The following RGS7 variants were observed in gnomAD, a reference collection of about 807,000 sequenced individuals.
RGS7 encodes regulator of G protein signaling 7.
In RGS7, 27 loss-of-function variants were observed where a neutral mutation model predicts 81.1. The observed-to-expected ratio is 0.33, with a 90% confidence interval of 0.25 to 0.46. The LOEUF is 0.46. Ranked by LOEUF, RGS7 falls within the 20% of genes least tolerant of loss-of-function variation. RGS7 has a pLI of 1.00. For synonymous variants in RGS7, 208 were observed against 207.7 expected (o/e 1.00, Z -0.01); for missense variants, 396 against 607.4 (o/e 0.65, Z 3.66).
chr1:241,076,843 G>A (rs965936627), intron 3 of RGS7, among the ~76,000 whole-genome samples: 1 of 152,128 alleles, frequency 6.6e-6, no homozygotes, highest in Admixed American at 6.5e-5. Flanking sequence ...AAACTCCAAC[G>A]CCTCAAAAGA....
intron 2 of RGS7, among the ~76,000 whole-genome samples, chr1:241,229,151 A>G (rs1327344557): frequency 6.6e-6 from 1 of 152,100 alleles, no homozygotes; most frequent in Non-Finnish European, 1.5e-5. Context: ...CTTTAAAAAG[A>G]TTTCAGATAT....
rs1026016317 is a variant in RGS7, at chr1:241,355,824, G to C, written c.-48C>G. 2.0e-6 allele frequency: 3 copies of C among 1,512,684 alleles called. No homozygotes were observed. In the African/African-American group the frequency reaches 4.1e-5, roughly 21 times the overall value. 93.7% of individuals were successfully genotyped at this position (1,512,684 alleles called of 1,614,324 possible). A position where few individuals can be genotyped will look rare whatever the true frequency, so the allele number is the denominator to read the frequency against. The stretch of plus-strand genomic sequence containing the variant: ...CTCAAGATACAAGAATTATCAGTGT[G>C]CCCTGCAAAGGGTCAGAGAGACTTC... On this transcript the variant is annotated splice_region_variant and 5_prime_UTR_variant, in exon 2 of 19. Coordinates refer to ENST00000440928, the MANE Select transcript of RGS7 (RefSeq NM_001364886.1).
At chr1:240,862,204 G>C (rs116840233) in intron 9 of RGS7, among the ~76,000 whole-genome samples, 1 of 151,950 alleles carries the variant, frequency 6.6e-6, no homozygotes, top group East Asian at 1.9e-4. Context: ...TTATTTTATA[G>C]AGATATTAAG....
chr1:240,779,432 G>C (rs1014472787), intron 18 of RGS7, among the ~76,000 whole-genome samples: 1 of 152,160 alleles, frequency 6.6e-6, no homozygotes, highest in African/African-American at 2.4e-5. Flanking sequence ...TGGGATAAGA[G>C]GCATGAACCA....
intron 2 of RGS7, among the ~76,000 whole-genome samples, chr1:241,294,842 A>G (rs2079302871): frequency 6.6e-6 from 1 of 151,678 alleles, no homozygotes; most frequent in South Asian, 2.1e-4. Context: ...TATACCATAA[A>G]GTCCAGGTGT....
chr1:241,016,542 A>G (rs2059244280), intron 3 of RGS7, among the ~76,000 whole-genome samples: 1 of 148,492 alleles, frequency 6.7e-6, no homozygotes. Flanking sequence ...ACAAAAATCA[A>G]CAACAACAAA....
chr1:241,311,319 A>C (rs1264153387), intron 2 of RGS7, among the ~76,000 whole-genome samples: 1 of 152,368 alleles, frequency 6.6e-6, no homozygotes, highest in East Asian at 1.9e-4. Context: ...TCTGTGCCAC[A>C]TAAAAAACAA....
At chr1:241,033,640 T>C (rs1383035880) in intron 3 of RGS7, among the ~76,000 whole-genome samples, 1 of 152,148 alleles carries the variant, frequency 6.6e-6, no homozygotes, top group Non-Finnish European at 1.5e-5. Context: ...TCATTTAATA[T>C]GTTATGGTGA....
intron 2 of RGS7, among the ~76,000 whole-genome samples, chr1:241,270,885 A>T (rs2148342572): frequency 6.7e-6 from 1 of 149,118 alleles, no homozygotes; most frequent in Non-Finnish European, 1.5e-5. Context: ...CAGCCTCCCC[A>T]GTAGCTGGGG....
chr1:240,851,213 A>C lies in RGS7; in HGVS notation c.609+17374T>G, dbSNP rs557868156. 7.2e-5 allele frequency among the ~76,000 whole-genome samples: 11 copies of C among 152,324 alleles called. No homozygotes were observed. In the South Asian group the frequency reaches 2.3e-3, roughly 32 times the overall value. On this transcript the variant is annotated intron_variant, in intron 9 of 18. Coordinates refer to ENST00000440928, the MANE Select transcript of RGS7 (RefSeq NM_001364886.1). ...TCAGGTAATGATGCTGGTGATTGTA[A>C]GTTGAGGCTAATGTTCATTGATCAT...
intron 2 of RGS7, among the ~76,000 whole-genome samples, chr1:241,328,363 T>C (rs1313718402): frequency 6.6e-6 from 1 of 152,218 alleles, no homozygotes; most frequent in African/African-American, 2.4e-5. Context: ...TGTGATGCTG[T>C]GGACTTTTGA....
chr1:241,167,521 C>CT lies in RGS7; in HGVS notation c.79-68760dup, dbSNP rs146257362. On this transcript the variant is annotated intron_variant, in intron 2 of 18. Transcript: ENST00000440928. ...GACAGCTGTACTCTTTGGTCCTCCT[C>CT]TTTTTTTTTTTTTCTTGAGACGAGT... is the stretch of plus-strand genomic sequence containing the variant. Among the ~76,000 whole-genome samples the CT allele has an allele frequency of 3.2e-3, 468 of 144,980 alleles. 1 individual carries two copies. The highest frequency in any genetic ancestry group is 5.4e-3 in the East Asian group (27 of 5,004).
chr1:241,175,287 A>G (rs1477234084), intron 2 of RGS7, among the ~76,000 whole-genome samples: 2 of 152,212 alleles, frequency 1.3e-5, no homozygotes, highest in African/African-American at 4.8e-5. Context: ...AACATTCTCT[A>G]GCATTTTTAT....
intron 18 of RGS7, among the ~76,000 whole-genome samples, chr1:240,782,838 C>T (rs756724339): frequency 1.3e-5 from 2 of 152,074 alleles, no homozygotes; most frequent in Admixed American, 6.6e-5. Flanking sequence ...TAATTCTATG[C>T]GAATAATACT....
chr1:240,852,257 G>A (rs189408444), intron 9 of RGS7, among the ~76,000 whole-genome samples: 23 of 152,236 alleles, frequency 1.5e-4, no homozygotes, highest in Non-Finnish European at 1.6e-4. Flanking sequence ...AAACAAAAAG[G>A]TTACAACTTT....
At chr1:241,245,364 C>T (rs1305965616) in intron 2 of RGS7, among the ~76,000 whole-genome samples, 1 of 147,146 alleles carries the variant, frequency 6.8e-6, no homozygotes, top group African/African-American at 2.6e-5. Context: ...TCCTCTTGCT[C>T]CTGCCGTGTA....
intron 2 of RGS7, among the ~76,000 whole-genome samples, chr1:241,114,397 C>T (rs73127583): frequency 0.044 from 6,661 of 152,008 alleles, 477 homozygotes; most frequent in African/African-American, 0.15. Flanking sequence ...GAGTCTTTGC[C>T]AGACACAAGT....
chr1:240,945,985 C>G (rs1422347705), intron 4 of RGS7, among the ~76,000 whole-genome samples: 2 of 152,184 alleles, frequency 1.3e-5, no homozygotes, highest in South Asian at 4.1e-4. Context: ...GATCATCTTT[C>G]TCAAAATTAG....
chr1:241,130,919 C>T (rs2067036829), intron 2 of RGS7, among the ~76,000 whole-genome samples: 1 of 120,054 alleles, frequency 8.3e-6, no homozygotes, highest in Admixed American at 8.2e-5. Flanking sequence ...GGATAAAAGG[C>T]TTAATTACAA....
Sources: allele counts gnomAD v4.1 joint callset (sites outside exome capture counted in the v4.1 genomes callset), GRCh38; gene constraint gnomAD v4.1.1; transcripts MANE v1.5; gene names NCBI Gene and HGNC (gene_info 2026-07-23, HGNC 2026-07-21).